The following SPTBN1 variants were observed in gnomAD, a reference collection of about 807,000 sequenced individuals.
The protein encoded by SPTBN1 is spectrin beta chain, non-erythrocytic 1.
In SPTBN1, 32 loss-of-function variants were observed where a neutral mutation model predicts 266.4. That is an observed-to-expected ratio of 0.12 (90% CI 0.09 to 0.16). The LOEUF (loss-of-function observed/expected upper bound fraction) is 0.16, where lower values mean the gene tolerates loss of function less well. SPTBN1 is among the 10% of genes least tolerant of loss of function. SPTBN1 has a pLI of 1.00. For synonymous variants in SPTBN1, 1,336 were observed against 1,162.2 expected (o/e 1.15, Z -3.04); for missense variants, 2,296 against 3,067.1 (o/e 0.75, Z 5.94).
Position 54,628,960 on chromosome 2 carries a change from T to C in SPTBN1, c.1826T>C (p.Ile609Thr). The C allele has an allele frequency of 2.5e-6, 4 of 1,609,506 alleles. No homozygotes were observed. Among genetic ancestry groups the C allele is most frequent in the Non-Finnish European group, 3.4e-6 (4 of 1,177,620 alleles). The change falls in exon 14 of 36, where the codon ATC becomes ACC. Residue 609 changes from isoleucine (I) to threonine (T), a missense_variant. Physicochemically the swap from Ile to Thr is moderately conservative, Grantham distance 89. Transcript: ENST00000356805. This position sits in a 1 kb window ranked among gnomAD's most constrained non-coding sequence, Gnocchi z 4.3. ...EGYKPCDPQV[I>T]RDRVAHMEFC... Reference sequence around the variant, plus strand: ...TACAAGCCCTGTGACCCCCAGGTGATCCGAGACCGCGTGGCCCACATGGAG... The same window carrying C: ...TACAAGCCCTGTGACCCCCAGGTGACCCGAGACCGCGTGGCCCACATGGAG...
intron 1 of SPTBN1, among the ~76,000 whole-genome samples, chr2:54,461,485 T>G (rs1335926882): frequency 6.6e-6 from 1 of 152,224 alleles, no homozygotes; most frequent in Non-Finnish European, 1.5e-5. Flanking sequence ...ATTTTCTGGC[T>G]CACAGGGCAT....
Position 54,653,568 on chromosome 2 carries a change from G to A in SPTBN1, c.5578-41G>A, listed in dbSNP as rs769350960. On this transcript the variant is annotated intron_variant, in intron 26 of 35. Transcript: ENST00000356805. The surrounding 1 kb of genome is among the most constrained non-coding windows in gnomAD (Gnocchi z 5.1). Reference sequence around the variant, plus strand: ...GGCTTGGGGTGATGGTGGGAAGGCCGCCATGGGCTGACCTGGCTCATCCCC... The same window carrying A: ...GGCTTGGGGTGATGGTGGGAAGGCCACCATGGGCTGACCTGGCTCATCCCC... The A allele has an allele frequency of 7.5e-6, 12 of 1,601,328 alleles. No individual in the cohort carries two copies. Among genetic ancestry groups the A allele is most frequent in the African/African-American group, 1.3e-5 (1 of 74,158 alleles).
At chr2:54,567,419 A>C (rs997241276) in intron 2 of SPTBN1, among the ~76,000 whole-genome samples, 2 of 152,212 alleles carry the variant, frequency 1.3e-5, no homozygotes, top group African/African-American at 4.8e-5. Flanking sequence ...GGCTCACTGC[A>C]ACCCTCTACC....
intron 2 of SPTBN1, among the ~76,000 whole-genome samples, chr2:54,583,470 G>C (rs1675083430): frequency 1.3e-5 from 2 of 152,146 alleles, no homozygotes; most frequent in South Asian, 4.1e-4. Context: ...TAGGTGAGAA[G>C]ATACCTGGAG....
At chr2:54,632,456 T>C in intron 16 of SPTBN1, 110 bp from the exon 17 acceptor site, 1 of 1,123,240 alleles carries the variant, frequency 8.9e-7, no homozygotes, top group Non-Finnish European at 1.3e-6. Context: ...AATTATTTCA[T>C]GTAAGTGTAA....
In SPTBN1 at chr2:54,629,180, G is replaced by A. The variant is rs750213202; in HGVS notation, c.2046G>A (p.Ala682=). ...TGCGCCTGCTCAGCAAGCACCGGGC[G>A]TTCGAGGACGAGATGAGCGGCCGCA... ...SVMRLLSKHR[A]FEDEMSGRSG... is the part of the protein sequence containing the mutation. Residue 682 remains alanine, a synonymous_variant, in exon 14 of 36, where the codon GCG becomes GCA. Transcript: ENST00000356805. The A allele has an allele frequency of 1.6e-5, 26 of 1,613,502 alleles. No individual in the cohort carries two copies. Among genetic ancestry groups the A allele is most frequent in the South Asian group, 7.7e-5 (7 of 91,094 alleles).
intron 1 of SPTBN1, among the ~76,000 whole-genome samples, chr2:54,508,977 G>A (rs1440708336): frequency 6.6e-6 from 1 of 152,208 alleles, no homozygotes; most frequent in African/African-American, 2.4e-5. Context: ...CATATTTAGA[G>A]TCAGTATAAA....
At chr2:54,585,060 A>G (rs1034586132) in intron 2 of SPTBN1, among the ~76,000 whole-genome samples, 1 of 152,214 alleles carries the variant, frequency 6.6e-6, no homozygotes, top group Non-Finnish European at 1.5e-5. Context: ...TACATTTCCA[A>G]AATTAATAGA....
intron 2 of SPTBN1, among the ~76,000 whole-genome samples, chr2:54,582,848 C>G (rs1159044241): frequency 6.6e-6 from 1 of 152,116 alleles, no homozygotes. Context: ...TGCTTCGTGA[C>G]TGTGGGCAAA....
intron 27 of SPTBN1, 92 bp from the exon 28 acceptor site, chr2:54,654,962 TTTCTTTCAAGGCCATC>T: frequency 1.6e-6 from 1 of 633,328 alleles, no homozygotes; most frequent in East Asian, 5.4e-5. Context: ...AGACCATCAG[TTTCTTTCAAGGCCATC>T]AGTTTCTTTC....
At chr2:54,578,211 G>A (rs533293260) in intron 2 of SPTBN1, among the ~76,000 whole-genome samples, 5 of 152,306 alleles carry the variant, frequency 3.3e-5, no homozygotes, top group East Asian at 3.9e-4. Context: ...CTGCTGCATC[G>A]TTGAGCATTT....
intron 1 of SPTBN1, among the ~76,000 whole-genome samples, chr2:54,491,646 G>A (rs762128637): frequency 2.6e-5 from 4 of 151,174 alleles, no homozygotes; most frequent in Non-Finnish European, 5.9e-5. Context: ...CTGGAGTGCA[G>A]TGGTGCAAAC....
Position 54,629,360 on chromosome 2 carries a change from G to C in SPTBN1, c.2226G>C (p.Glu742Asp), listed in dbSNP as rs1678574936. ...LSAIRKKRLE[E>D]ASLLHQFQAD... is the part of the protein sequence containing the mutation. ...CCATTCGGAAGAAGCGCCTGGAGGA[G>C]GCCTCCCTGCTGCACCAGTTCCAGG... Residue 742 changes from glutamate to aspartate, a missense_variant, in exon 14 of 36, where the codon GAG becomes GAC. Glu to Asp is a conservative substitution (Grantham distance 45, BLOSUM62 2). This residue lies in a region of SPTBN1 where 434 missense variants were observed against 573.9 expected (regional missense o/e 0.76). Coordinates refer to ENST00000356805, the MANE Select transcript of SPTBN1 (RefSeq NM_003128.3). 1 of 1,613,964 alleles carries C rather than the reference G, an allele frequency of 6.2e-7. No individual in the cohort carries two copies. The highest frequency in any genetic ancestry group is 8.5e-7 in the Non-Finnish European group (1 of 1,180,016).
At chr2:54,663,099 G>T (rs1009373119) in intron 32 of SPTBN1, 1 of 152,102 alleles carries the variant, frequency 6.6e-6, no homozygotes, top group African/African-American at 2.4e-5. Context: ...CCCAAAATTA[G>T]TTTTGTTCAA....
In SPTBN1 at chr2:54,629,485, A is replaced by G; in HGVS notation, c.2351A>G (p.Lys784Arg). ...HDEYSTQSLVKKHKDVAEEIA... is the reference protein window; with the variant it reads ...HDEYSTQSLVRKHKDVAEEIA... ...GAGTATTCCACACAGTCTCTGGTCAAGAAACACAAGGACGTGGCGGAAGAG... is the reference window on the plus strand; with the variant it reads ...GAGTATTCCACACAGTCTCTGGTCAGGAAACACAAGGACGTGGCGGAAGAG... Residue 784 changes from lysine (K) to arginine (R), a missense_variant, in exon 14 of 36, where the codon AAG (lysine) becomes AGG (arginine). Transcript: ENST00000356805. The G allele has an allele frequency of 6.2e-7, 1 of 1,614,170 alleles. No homozygotes were observed. Among genetic ancestry groups the G allele is most frequent in the Non-Finnish European group, 8.5e-7 (1 of 1,180,038 alleles).
At chr2:54,622,530 C>G in intron 9 of SPTBN1, 43 bp downstream of exon 9, 1 of 1,594,932 alleles carries the variant, frequency 6.3e-7, no homozygotes, top group South Asian at 1.1e-5. Context: ...TGGAAAGACA[C>G]ATCACTGTAG....
Position 54,533,589 on chromosome 2 carries a change from C to T in SPTBN1, c.148+7023C>T, listed in dbSNP as rs1671399447. ...TAGTAAGATGGAGTTTCGCTCTTGTCACCCAGGCTGTAGTACGATGGCGCG... is the reference window on the plus strand; with the variant it reads ...TAGTAAGATGGAGTTTCGCTCTTGTTACCCAGGCTGTAGTACGATGGCGCG... On this transcript the variant is annotated intron_variant, in intron 2 of 35. Coordinates refer to ENST00000356805, the MANE Select transcript of SPTBN1 (RefSeq NM_003128.3). The surrounding 1 kb of genome is among the most constrained non-coding windows in gnomAD (Gnocchi z 4.2). 6.6e-6 allele frequency among the ~76,000 whole-genome samples: 1 copy of T among 152,152 alleles called. No homozygotes were observed. The highest frequency in any genetic ancestry group is 2.1e-4 in the South Asian group (1 of 4,826).
chr2:54,589,192 C>T (rs78600822), intron 2 of SPTBN1, among the ~76,000 whole-genome samples: 1 of 152,178 alleles, frequency 6.6e-6, no homozygotes, highest in Non-Finnish European at 1.5e-5. Flanking sequence ...TGCTTTGCCT[C>T]TTATTTTCGG....
intron 32 of SPTBN1, 138 bp downstream of exon 32, chr2:54,660,137 G>T (rs1262518328): frequency 6.4e-6 from 10 of 1,563,232 alleles, no homozygotes; most frequent in Non-Finnish European, 8.7e-6. Flanking sequence ...TCTGGGTTTT[G>T]ACTTTTTGGC....
Sources: gnomAD v4.1 joint callset for allele counts (sites outside exome capture counted in the v4.1 genomes callset) on GRCh38, gnomAD v4.1.1 for gene constraint, gnomAD v4.1.1 regional missense constraint, Gnocchi (gnomAD v3.1) non-coding constraint, MANE v1.5 for transcripts, NCBI Gene and HGNC (gene_info 2026-07-23, HGNC 2026-07-21) for gene names.